The following RALA variants were observed in gnomAD, a reference collection of about 807,000 sequenced individuals.
The protein encoded by RALA is ras-related protein Ral-A.
RALA carries 5 observed loss-of-function variants against 24.0 expected under a neutral mutation model. The observed-to-expected ratio is 0.21, with a 90% CI of 0.11 to 0.44. RALA has a LOEUF of 0.44. Ranked by LOEUF, RALA falls within the 20% of genes least tolerant of loss-of-function variation. The pLI, the probability that RALA is intolerant of heterozygous loss-of-function variation, is 0.99. For synonymous variants in RALA, 77 were observed against 83.8 expected (o/e 0.92, Z 0.44); for missense variants, 95 against 241.2 (o/e 0.39, Z 4.01).
chr7:39,647,343 G>A (rs933784360), intron 1 of RALA, among the ~76,000 whole-genome samples: 1 of 152,074 alleles, frequency 6.6e-6, no homozygotes, highest in African/African-American at 2.4e-5. Context: ...ACGCCTGGCT[G>A]CAGATTGTTT....
chr7:39,644,636 C>G (rs1791894074), intron 1 of RALA, among the ~76,000 whole-genome samples: 1 of 152,314 alleles, frequency 6.6e-6, no homozygotes, highest in South Asian at 2.1e-4. Context: ...TCAACCCCAG[C>G]TGTTCATTTG....
intron 1 of RALA, among the ~76,000 whole-genome samples, chr7:39,642,432 C>A (rs1184076947): frequency 6.6e-6 from 1 of 152,122 alleles, no homozygotes; most frequent in Non-Finnish European, 1.5e-5. Flanking sequence ...GAATTTATAT[C>A]CTATATCCTG....
chr7:39,689,657 C>G (rs1792780175), intron 2 of RALA, among the ~76,000 whole-genome samples: 1 of 152,180 alleles, frequency 6.6e-6, no homozygotes. Context: ...TGGCTCACAC[C>G]TGTGATCCCA....
intron 1 of RALA, among the ~76,000 whole-genome samples, chr7:39,661,679 C>T (rs529532667): frequency 6.6e-6 from 1 of 152,192 alleles, no homozygotes; most frequent in African/African-American, 2.4e-5. Context: ...GTACAGCCTC[C>T]CTTCTGGCTG....
chr7:39,704,122 C>T (rs911329893), intron 4 of RALA, among the ~76,000 whole-genome samples: 14 of 143,606 alleles, frequency 9.7e-5, no homozygotes, highest in Non-Finnish European at 1.5e-4. Context: ...GCTGAGATCA[C>T]GCCATCCCAC....
At chr7:39,672,031 A>G (rs1583734995) in intron 1 of RALA, among the ~76,000 whole-genome samples, 1 of 152,312 alleles carries the variant, frequency 6.6e-6, no homozygotes, top group Middle Eastern at 3.4e-3. Flanking sequence ...GTAAATATTC[A>G]AAACATAGTA....
At chr7:39,697,289 G>A (rs561844920) in intron 4 of RALA, 34 of 441,414 alleles carry the variant, frequency 7.7e-5, no homozygotes, top group African/African-American at 2.4e-4. Context: ...AGATAAGAGC[G>A]TTTTAAAATC....
chr7:39,638,029 CT>C (rs1791713787), intron 1 of RALA, among the ~76,000 whole-genome samples: 1 of 152,184 alleles, frequency 6.6e-6, no homozygotes, highest in Non-Finnish European at 1.5e-5. Context: ...CCTCTAATAT[CT>C]AACCCAGATT....
At chr7:39,688,362 C>T (rs972183654) in intron 2 of RALA, among the ~76,000 whole-genome samples, 2 of 150,984 alleles carry the variant, frequency 1.3e-5, no homozygotes, top group African/African-American at 4.9e-5. Context: ...CCACTGCATT[C>T]CAGCCTACAC....
At chr7:39,630,107 G>A (rs191680005) in intron 1 of RALA, among the ~76,000 whole-genome samples, 9 of 151,120 alleles carry the variant, frequency 6.0e-5, no homozygotes, top group Admixed American at 4.0e-4. Context: ...GCAATGGTGC[G>A]ATCACAGCTC....
At chr7:39,668,968 GC>G (rs935404847) in intron 1 of RALA, among the ~76,000 whole-genome samples, 9 of 151,896 alleles carry the variant, frequency 5.9e-5, no homozygotes, top group Non-Finnish European at 1.3e-4. Context: ...ACAAAAATTA[GC>G]TGGGCATGGT....
chr7:39,628,414 T>C (rs201381094), intron 1 of RALA, among the ~76,000 whole-genome samples: 21 of 124,330 alleles, frequency 1.7e-4, no homozygotes, highest in South Asian at 2.6e-4. Flanking sequence ...CACACACACA[T>C]TCTTTCTCTC....
intron 1 of RALA, among the ~76,000 whole-genome samples, chr7:39,643,507 G>A (rs1791856815): frequency 6.6e-6 from 1 of 152,088 alleles, no homozygotes; most frequent in South Asian, 2.1e-4. Context: ...GATCACTTGA[G>A]GTCAGGAGTT....
At chr7:39,643,399 C>T (rs1031779102) in intron 1 of RALA, among the ~76,000 whole-genome samples, 7 of 152,038 alleles carry the variant, frequency 4.6e-5, no homozygotes, top group African/African-American at 1.4e-4. Context: ...TAGTGATCAG[C>T]GGGGGACAAC....
chr7:39,628,376 T>TACACACACACACACACAC (rs36095637), intron 1 of RALA, among the ~76,000 whole-genome samples: 30 of 145,038 alleles, frequency 2.1e-4, no homozygotes, highest in African/African-American at 7.4e-4. Flanking sequence ...ACCTCATAAC[T>TACACACACACACACACAC]ACACACACAC....
chr7:39,654,988 A>G (rs1296530618), intron 1 of RALA, among the ~76,000 whole-genome samples: 2 of 152,170 alleles, frequency 1.3e-5, no homozygotes, highest in African/African-American at 4.8e-5. Context: ...AGCTCAAGCA[A>G]TCCTCCTGCT....
intron 1 of RALA, among the ~76,000 whole-genome samples, chr7:39,629,375 ATTTATT>A (rs1038220317): frequency 3.3e-5 from 5 of 152,240 alleles, no homozygotes; most frequent in African/African-American, 7.2e-5. Context: ...TCATTTTAAT[ATTTATT>A]TTTATTGTTC....
At chr7:39,705,510 C>T (rs915817586) in intron 4 of RALA, among the ~76,000 whole-genome samples, 1 of 152,006 alleles carries the variant, frequency 6.6e-6, no homozygotes, top group Non-Finnish European at 1.5e-5. Flanking sequence ...TTGTTATACT[C>T]GTAATTTTCT....
At chr7:39,661,542 C>G (rs1249771627) in intron 1 of RALA, among the ~76,000 whole-genome samples, 1 of 152,172 alleles carries the variant, frequency 6.6e-6, no homozygotes, top group Non-Finnish European at 1.5e-5. Context: ...TATGCAAGTC[C>G]AAAATCCAGC....
Sources: gnomAD v4.1 joint callset for allele counts (sites outside exome capture counted in the v4.1 genomes callset) on GRCh38, gnomAD v4.1.1 for gene constraint, MANE v1.5 for transcripts, NCBI Gene and HGNC (gene_info 2026-07-23, HGNC 2026-07-21) for gene names.